The following THSD7A variants were observed in gnomAD, a reference collection of about 807,000 sequenced individuals.
THSD7A encodes thrombospondin type 1 domain containing 7A, also known as thrombospondin type-1 domain-containing protein 7A.
THSD7A carries 96 observed loss-of-function variants against 231.3 expected under a neutral mutation model. That is an observed-to-expected ratio of 0.41 (90% CI 0.35 to 0.49). The LOEUF is 0.49. Ranked by LOEUF, THSD7A falls within the 20% of genes least tolerant of loss-of-function variation. The probability of loss-of-function intolerance (pLI) is 0.05; values close to 1 mark genes in which losing one functional copy is unlikely to be tolerated. For synonymous variants in THSD7A, 940 were observed against 743.3 expected (o/e 1.26, Z -4.30); for missense variants, 2,290 against 2,070.2 (o/e 1.11, Z -2.06).
At chr7:11,818,873 G>A (rs528496483) in intron 1 of THSD7A, among the ~76,000 whole-genome samples, 1 of 128,508 alleles carries the variant, frequency 7.8e-6, no homozygotes, top group Non-Finnish European at 1.6e-5. Context: ...ATTCCCATGT[G>A]GTTTTTTTTC....
intron 1 of THSD7A, among the ~76,000 whole-genome samples, chr7:11,759,930 ATG>A (rs1394950980): frequency 6.6e-6 from 1 of 152,078 alleles, no homozygotes; most frequent in Non-Finnish European, 1.5e-5. Context: ...CAGTACATAT[ATG>A]TGAGTGGATC....
intron 2 of THSD7A, among the ~76,000 whole-genome samples, chr7:11,615,798 T>G (rs1368962022): frequency 1.3e-5 from 2 of 152,210 alleles, no homozygotes; most frequent in Non-Finnish European, 2.9e-5. Flanking sequence ...CAGATTTTCC[T>G]GGTCTCACAC....
intron 6 of THSD7A, among the ~76,000 whole-genome samples, chr7:11,511,347 G>A (rs1021605357): frequency 1.3e-5 from 2 of 152,120 alleles, no homozygotes; most frequent in Non-Finnish European, 2.9e-5. Flanking sequence ...TTGTGAAAAT[G>A]GCCATATTGC....
intron 2 of THSD7A, among the ~76,000 whole-genome samples, chr7:11,605,565 C>G (rs1035230099): frequency 7.2e-5 from 11 of 152,132 alleles, no homozygotes; most frequent in African/African-American, 2.4e-4. Context: ...GATCCACATG[C>G]ACAATAAAGT....
chr7:11,470,884 T>C (rs557526044), intron 8 of THSD7A, among the ~76,000 whole-genome samples: 10 of 152,070 alleles, frequency 6.6e-5, no homozygotes, highest in African/African-American at 2.4e-4. Flanking sequence ...TAACTTCATA[T>C]AAGCTTTCAC....
At chr7:11,801,793 T>C (rs1049623376) in intron 1 of THSD7A, among the ~76,000 whole-genome samples, 5 of 152,156 alleles carry the variant, frequency 3.3e-5, no homozygotes, top group Non-Finnish European at 5.9e-5. Flanking sequence ...TGAAGAGTAA[T>C]ACATTTTAAA....
In THSD7A at chr7:11,474,186, T is replaced by C. The variant is rs1786051833; in HGVS notation, c.2252+148A>G. 1.6e-6 allele frequency: 1 copy of C among 630,458 alleles called. No individual in the cohort carries two copies. The highest frequency in any genetic ancestry group is 3.3e-5 in the Admixed American group (1 of 30,480). The allele number at this position is 630,458 out of a possible 1,614,324, so 39.1% of individuals were successfully genotyped here. ...CTCAAAGCTGTTATAGCTTTATCAG[T>C]GGCTGACTTTCAAAACAAACAAATC... On this transcript the variant is annotated intron_variant, in intron 8 of 27. Coordinates refer to ENST00000423059, the MANE Select transcript of THSD7A (RefSeq NM_015204.3). This position sits in a 1 kb window ranked among gnomAD's most constrained non-coding sequence, Gnocchi z 4.1.
At chr7:11,651,805 T>C (rs1782518075) in intron 1 of THSD7A, among the ~76,000 whole-genome samples, 1 of 151,998 alleles carries the variant, frequency 6.6e-6, no homozygotes. Flanking sequence ...ATTATCATCT[T>C]AGTTTTAGTG....
chr7:11,398,090 T>C (rs1783258643), intron 23 of THSD7A, among the ~76,000 whole-genome samples: 1 of 152,234 alleles, frequency 6.6e-6, no homozygotes, highest in South Asian at 2.1e-4. Flanking sequence ...TGCACATTTA[T>C]ATTTATTGCA....
chr7:11,544,327 C>A (rs1040520352), intron 4 of THSD7A, among the ~76,000 whole-genome samples: 2 of 151,646 alleles, frequency 1.3e-5, no homozygotes, highest in Admixed American at 1.3e-4. Flanking sequence ...GGCAACAGAG[C>A]GAGACACAGT....
intron 2 of THSD7A, among the ~76,000 whole-genome samples, chr7:11,615,196 G>C (rs999227355): frequency 2.0e-5 from 3 of 152,140 alleles, no homozygotes; most frequent in African/African-American, 7.2e-5. Flanking sequence ...ATCTTGGAAG[G>C]GATGTAAACA....
At chr7:11,495,092 C>G (rs955938656) in intron 6 of THSD7A, among the ~76,000 whole-genome samples, 1 of 151,858 alleles carries the variant, frequency 6.6e-6, no homozygotes, top group Non-Finnish European at 1.5e-5. Flanking sequence ...GCAACTTGAC[C>G]TTTGATGCAT....
Position 11,429,092 on chromosome 7 carries a change from G to C in THSD7A, c.3098C>G (p.Pro1033Arg). 1 of 1,609,182 alleles carries C rather than the reference G, an allele frequency of 6.2e-7. No homozygotes were observed. The highest frequency in any genetic ancestry group is 8.5e-7 in the Non-Finnish European group (1 of 1,178,254). ...YIEEACIIPC[P>R]SDCKLSEWSN... ...CCACTCACTGAGCTTGCAGTCTGAG[G>C]GGCAGGGGATGATGCAGGCCTCCTC... Residue 1033 changes from proline to arginine, a missense_variant, in exon 14 of 28, where the codon CCC becomes CGC. By Grantham distance (103) the Pro-to-Arg change is moderately radical. Transcript: ENST00000423059.
At chr7:11,674,854 G>C (rs537862007) in intron 1 of THSD7A, among the ~76,000 whole-genome samples, 2 of 152,172 alleles carry the variant, frequency 1.3e-5, no homozygotes, top group East Asian at 3.9e-4. Context: ...TTGAGAATAT[G>C]AATAACGAGG....
chr7:11,525,243 G>C (rs1788422395), intron 6 of THSD7A, among the ~76,000 whole-genome samples: 1 of 150,664 alleles, frequency 6.6e-6, no homozygotes, highest in East Asian at 1.9e-4. Context: ...CCTGAGTACA[G>C]TTCATCCAAA....
At chr7:11,641,370 C>T (rs1039345675) in intron 1 of THSD7A, among the ~76,000 whole-genome samples, 9 of 151,962 alleles carry the variant, frequency 5.9e-5, no homozygotes, top group Admixed American at 2.0e-4. Context: ...ATCTTAATAT[C>T]CCAGGCATTA....
intron 2 of THSD7A, among the ~76,000 whole-genome samples, chr7:11,599,139 G>A (rs1780466170): frequency 6.6e-6 from 1 of 152,188 alleles, no homozygotes; most frequent in Non-Finnish European, 1.5e-5. Context: ...ATAGGATAAG[G>A]AAAAGTATGC....
In THSD7A at chr7:11,737,654, T is replaced by C. The variant is rs74783406; in HGVS notation, c.190+94103A>G. On this transcript the variant is annotated intron_variant, in intron 1 of 27. Coordinates refer to ENST00000423059, the MANE Select transcript of THSD7A (RefSeq NM_015204.3). ...ATAGGCCATAACTTTGTGTCATATTTGTCATATTCTCCAATGAGCAAGTTC... is the reference window on the plus strand; with the variant it reads ...ATAGGCCATAACTTTGTGTCATATTCGTCATATTCTCCAATGAGCAAGTTC... Among the ~76,000 whole-genome samples, 550 of 152,148 alleles carry C rather than the reference T, an allele frequency of 3.6e-3. 1 individual carries two copies. Among genetic ancestry groups the C allele is most frequent in the African/African-American group, 0.013 (524 of 41,550 alleles).
rs1050451192 is a variant in THSD7A, at chr7:11,590,264, C to G, written c.1453+196G>C. Among the ~76,000 whole-genome samples the G allele has an allele frequency of 1.9e-4, 29 of 152,170 alleles. No homozygotes were observed. Among genetic ancestry groups the G allele is most frequent in the African/African-American group, 6.5e-4 (27 of 41,436 alleles). ...AAAGAAACTTGTCAGTAAACCAGAA[C>G]TGACCAAAGATGGAATTGTGTTAAA... On this transcript the variant is annotated intron_variant, in intron 4 of 27. Coordinates refer to ENST00000423059, the MANE Select transcript of THSD7A (RefSeq NM_015204.3). This position sits in a 1 kb window ranked among gnomAD's most constrained non-coding sequence, Gnocchi z 4.4.
Sources: allele counts gnomAD v4.1 joint callset (sites outside exome capture counted in the v4.1 genomes callset), GRCh38; gene constraint gnomAD v4.1.1; non-coding constraint Gnocchi (gnomAD v3.1); transcripts MANE v1.5; gene names NCBI Gene and HGNC (gene_info 2026-07-23, HGNC 2026-07-21).